Variants in AGBL1 observed in about 807,000 individuals in gnomAD.
The protein encoded by AGBL1 is AGBL carboxypeptidase 1.
In AGBL1, 130 loss-of-function variants were observed where a neutral mutation model predicts 118.9. The observed-to-expected ratio is 1.09, with a 90% CI of 0.95 to 1.26. The LOEUF (loss-of-function observed/expected upper bound fraction) is 1.26. Ranked by LOEUF, AGBL1 falls within the 50% of genes most tolerant of loss-of-function variation. The probability of loss-of-function intolerance (pLI) is 0.00; values close to 1 mark genes in which losing one functional copy is unlikely to be tolerated. For synonymous variants in AGBL1, 555 were observed against 478.9 expected, an observed-to-expected ratio of 1.16 and a Z score of -2.08; for missense variants, 1,584 against 1,298.1, an observed-to-expected ratio of 1.22 and a Z score of -3.38.
intron 22 of AGBL1, among the ~76,000 whole-genome samples, chr15:86,690,704 A>G (rs1006299788): frequency 6.6e-6 from 1 of 152,136 alleles, no homozygotes. Context: ...AAGGCACTGA[A>G]TTATGGGGAT....
At position 86,348,780 on chromosome 15, in the gene AGBL1, GAAA is replaced by G. The variant is rs60441568; in HGVS notation, c.2375-48570_2375-48568del. ...GTGACAGAGCGCGACTGTCTCAAAA[GAAA>G]AAAAAAAAAAAAAAAGCAGAGAGGA... On this transcript the variant is annotated intron_variant, in intron 17 of 22. Transcript: ENST00000614907. 9.9e-4 allele frequency among the ~76,000 whole-genome samples: 126 copies of G among 127,900 alleles called. 1 individual carries two copies. Among genetic ancestry groups the G allele is most frequent in the African/African-American group, 2.3e-3 (82 of 35,874 alleles). The allele number at this position is 127,900 out of a possible 152,430, so 83.9% of individuals were successfully genotyped here.
At chr15:86,757,352 C>A (rs2077957477) in intron 22 of AGBL1, among the ~76,000 whole-genome samples, 1 of 152,068 alleles carries the variant, frequency 6.6e-6, no homozygotes, top group African/African-American at 2.4e-5. Context: ...CTGTATTCTA[C>A]TTGTCACACT....
chr15:86,196,879 G>GCGCGCGCA (rs756313941), intron 5 of AGBL1, among the ~76,000 whole-genome samples: 3,920 of 116,752 alleles, frequency 0.034, 94 homozygotes, highest in African/African-American at 0.05. Context: ...GCGCGCGCGC[G>GCGCGCGCA]CACACACACA....
chr15:86,856,108 G>A (rs964180845), intron 22 of AGBL1, among the ~76,000 whole-genome samples: 13 of 152,148 alleles, frequency 8.5e-5, no homozygotes, highest in African/African-American at 2.9e-4. Context: ...TGACATTTCC[G>A]CAAAGGGGTG....
At chr15:86,711,151 T>C (rs937433124) in intron 22 of AGBL1, among the ~76,000 whole-genome samples, 1 of 152,198 alleles carries the variant, frequency 6.6e-6, no homozygotes, top group African/African-American at 2.4e-5. Flanking sequence ...TGCTGTACTC[T>C]TGAGCCGTTG....
At chr15:86,603,560 T>G (rs2084528560) in intron 21 of AGBL1, among the ~76,000 whole-genome samples, 1 of 152,096 alleles carries the variant, frequency 6.6e-6, no homozygotes, top group Non-Finnish European at 1.5e-5. Context: ...GCATTCTGCC[T>G]GAAATGGGAT....
chr15:86,923,244 G>C (rs2080498416), intron 23 of AGBL1, among the ~76,000 whole-genome samples: 1 of 152,212 alleles, frequency 6.6e-6, no homozygotes, highest in Non-Finnish European at 1.5e-5. Flanking sequence ...AGATTAAAGT[G>C]AATTGAAAAG....
At chr15:86,544,317 G>A (rs1375430141) in intron 19 of AGBL1, among the ~76,000 whole-genome samples, 5 of 152,146 alleles carry the variant, frequency 3.3e-5, no homozygotes, top group African/African-American at 2.4e-5. Context: ...GTTTACTCAC[G>A]TGATGGTTGT....
intron 17 of AGBL1, among the ~76,000 whole-genome samples, chr15:86,393,236 A>G (rs1239280924): frequency 6.6e-6 from 1 of 152,176 alleles, no homozygotes; most frequent in Non-Finnish European, 1.5e-5. Context: ...GGAAAGAGAC[A>G]CATTGTTGAT....
intron 22 of AGBL1, among the ~76,000 whole-genome samples, chr15:86,736,708 G>A (rs1484792338): frequency 2.6e-5 from 4 of 152,094 alleles, no homozygotes; most frequent in Non-Finnish European, 5.9e-5. Context: ...GTAAAATTGG[G>A]CATAGTCTCC....
At chr15:86,314,830 A>T (rs4347594) in intron 17 of AGBL1, among the ~76,000 whole-genome samples, 95,039 of 152,016 alleles carry the variant, frequency 0.63, 30,211 homozygotes, top group Non-Finnish European at 0.68. Flanking sequence ...ATAAAAAGCC[A>T]TGTTTTCAAG....
At chr15:86,188,509 A>T (rs951788775) in intron 5 of AGBL1, among the ~76,000 whole-genome samples, 2 of 152,350 alleles carry the variant, frequency 1.3e-5, no homozygotes, top group South Asian at 2.1e-4. Flanking sequence ...AACAAATTCT[A>T]TTCAGGCTAT....
intron 17 of AGBL1, among the ~76,000 whole-genome samples, chr15:86,380,951 T>C (rs1161875689): frequency 6.6e-6 from 1 of 152,130 alleles, no homozygotes; most frequent in Non-Finnish European, 1.5e-5. Flanking sequence ...TGTGTGTGTG[T>C]GTGTGTGTAC....
chr15:86,247,398 A>G (rs983168686), intron 6 of AGBL1, among the ~76,000 whole-genome samples: 5 of 152,164 alleles, frequency 3.3e-5, no homozygotes, highest in Non-Finnish European at 5.9e-5. Context: ...TTCATGATCC[A>G]ACTTGGGTTA....
intron 22 of AGBL1, among the ~76,000 whole-genome samples, chr15:86,820,936 C>T (rs750751719): frequency 7.5e-4 from 114 of 152,156 alleles, no homozygotes; most frequent in Non-Finnish European, 1.3e-3. Context: ...AACCAAAATG[C>T]CCATTAATGA....
intron 13 of AGBL1, among the ~76,000 whole-genome samples, chr15:86,269,111 A>G (rs943061751): frequency 6.6e-6 from 1 of 152,156 alleles, no homozygotes; most frequent in Non-Finnish European, 1.5e-5. Flanking sequence ...GAAATGTCCT[A>G]TATCTGGGTA....
intron 22 of AGBL1, among the ~76,000 whole-genome samples, chr15:86,688,111 G>T (rs142872706): frequency 1.7e-4 from 26 of 152,272 alleles, no homozygotes; most frequent in Non-Finnish European, 2.9e-4. Flanking sequence ...GAAACAACAA[G>T]CGCATGTCGT....
In AGBL1 at chr15:86,636,738, T is replaced by C. The variant is rs1240291678; in HGVS notation, c.2995-37535T>C. Among the ~76,000 whole-genome samples, 150 of 52,122 alleles carry C rather than the reference T, an allele frequency of 2.9e-3. 7 individuals are homozygous for C. The highest frequency in any genetic ancestry group is 9.7e-3 in the South Asian group (12 of 1,232). The allele number at this position is 52,122 out of a possible 152,430, so 34.2% of individuals were successfully genotyped here. ...ATATATATATATATATATATATATATATATATATATATATATATATACACA... is the reference window on the plus strand; with the variant it reads ...ATATATATATATATATATATATATACATATATATATATATATATATACACA... On this transcript the variant is annotated intron_variant, in intron 21 of 22. Coordinates refer to ENST00000614907, the MANE Select transcript of AGBL1 (RefSeq NM_001386094.1).
At chr15:86,304,220 TA>T (rs1178087362) in intron 17 of AGBL1, among the ~76,000 whole-genome samples, 2 of 152,140 alleles carry the variant, frequency 1.3e-5, no homozygotes, top group Non-Finnish European at 2.9e-5. Context: ...CACCCGTATC[TA>T]AAATGCTTCA....
Sources: gnomAD v4.1 joint callset for allele counts (sites outside exome capture counted in the v4.1 genomes callset) on GRCh38, gnomAD v4.1.1 for gene constraint, MANE v1.5 for transcripts, NCBI Gene and HGNC (gene_info 2026-07-23, HGNC 2026-07-21) for gene names.